FRMD4A: variants seen among roughly 807,000 people sequenced by gnomAD.
The protein encoded by FRMD4A is FERM domain containing 4A.
In FRMD4A, 29 loss-of-function variants were observed where a neutral mutation model predicts 129.1. That is an observed-to-expected ratio of 0.22 (90% CI 0.17 to 0.31). FRMD4A has a LOEUF of 0.31. FRMD4A is among the 10% of genes least tolerant of loss of function. The pLI is 1.00. For missense variants in FRMD4A, 1,272 were observed against 1,375.8 expected (o/e 0.92, Z 1.19); for synonymous variants, 634 against 571.6 (o/e 1.11, Z -1.56).
chr10:13,650,912 A>G (rs1217060523), intron 24 of FRMD4A, among the ~76,000 whole-genome samples: 3 of 151,480 alleles, frequency 2.0e-5, no homozygotes, highest in Admixed American at 6.5e-5. Context: ...TGACCCCCTC[A>G]TTTCTGAATC....
At chr10:13,769,997 C>A (rs755813167) in intron 6 of FRMD4A, among the ~76,000 whole-genome samples, 1 of 152,070 alleles carries the variant, frequency 6.6e-6, no homozygotes, top group Non-Finnish European at 1.5e-5. Context: ...ATCTTGTGAG[C>A]CAACTCCTCA....
intron 2 of FRMD4A, among the ~76,000 whole-genome samples, chr10:13,873,760 T>C (rs111808554): frequency 6.6e-6 from 1 of 151,126 alleles, no homozygotes; most frequent in African/African-American, 2.4e-5. Flanking sequence ...TTGGCCAGGC[T>C]GGTCTCCAAC....
At chr10:13,686,541 C>T (rs571592838) in intron 15 of FRMD4A, among the ~76,000 whole-genome samples, 1 of 152,330 alleles carries the variant, frequency 6.6e-6, no homozygotes, top group Non-Finnish European at 1.5e-5. Context: ...CAGGCAATGC[C>T]AGGCCCATGT....
At chr10:13,896,107 G>A (rs1346213741) in intron 2 of FRMD4A, among the ~76,000 whole-genome samples, 1 of 152,180 alleles carries the variant, frequency 6.6e-6, no homozygotes, top group Non-Finnish European at 1.5e-5. Context: ...GGAAGACAGT[G>A]TGGCAATTCC....
At chr10:14,181,710 A>C (rs1841920574) in intron 2 of FRMD4A, among the ~76,000 whole-genome samples, 1 of 152,098 alleles carries the variant, frequency 6.6e-6, no homozygotes, top group African/African-American at 2.4e-5. Context: ...TTTTTATTTG[A>C]GATAGGGTCT....
intron 2 of FRMD4A, among the ~76,000 whole-genome samples, chr10:14,078,995 T>G (rs924637827): frequency 6.6e-6 from 1 of 152,230 alleles, no homozygotes; most frequent in Non-Finnish European, 1.5e-5. Context: ...GAGCTTGAGA[T>G]AGTCAGAGGA....
rs565664138 is a variant in FRMD4A at position 13,823,051 on chromosome 10, A to G, written c.112-12143T>C. ...CACATAGTTTCTTCCATATTTTCCT[A>G]AGATGCAGTCTGGTCCCTGTGTTCT... is the stretch of plus-strand genomic sequence containing the variant. On this transcript the variant is annotated intron_variant, in intron 3 of 24. Coordinates refer to ENST00000357447, the MANE Select transcript of FRMD4A (RefSeq NM_018027.5). Among the ~76,000 whole-genome samples the G allele has an allele frequency of 9.0e-4, 137 of 152,180 alleles. 1 individual carries two copies. The highest frequency in any genetic ancestry group is 1.6e-3 in the Non-Finnish European group (108 of 68,012).
At chr10:14,092,845 C>A (rs917597074) in intron 2 of FRMD4A, among the ~76,000 whole-genome samples, 1 of 152,176 alleles carries the variant, frequency 6.6e-6, no homozygotes, top group Non-Finnish European at 1.5e-5. Context: ...CAAGATAGGA[C>A]TAGATGAGGT....
intron 2 of FRMD4A, among the ~76,000 whole-genome samples, chr10:14,107,828 C>T (rs897483674): frequency 5.3e-5 from 8 of 152,172 alleles, no homozygotes; most frequent in African/African-American, 1.9e-4. Context: ...TGGACCACAA[C>T]TTATTTACTC....
chr10:14,312,443 T>C (rs184146180), intron 2 of FRMD4A, among the ~76,000 whole-genome samples: 2 of 152,330 alleles, frequency 1.3e-5, no homozygotes, highest in East Asian at 3.8e-4. Context: ...AATTTTATAA[T>C]ATCTACAAAA....
intron 2 of FRMD4A, among the ~76,000 whole-genome samples, chr10:13,931,855 A>T (rs552296382): frequency 2.0e-5 from 3 of 151,744 alleles, no homozygotes; most frequent in African/African-American, 7.2e-5. Context: ...AGGCTGAGGC[A>T]GGAGAATCGC....
intron 22 of FRMD4A, chr10:13,655,494 A>G (rs2082062380): frequency 6.6e-6 from 1 of 152,236 alleles, no homozygotes; most frequent in Admixed American, 6.5e-5. Flanking sequence ...AAGTCCACGG[A>G]ACACCCACCA....
chr10:13,942,487 G>T (rs1195493664), intron 2 of FRMD4A, among the ~76,000 whole-genome samples: 1 of 152,144 alleles, frequency 6.6e-6, no homozygotes, highest in Non-Finnish European at 1.5e-5. Context: ...CCAGACTCTT[G>T]TCATTAGAAC....
At chr10:14,008,498 T>C (rs2095670400) in intron 2 of FRMD4A, 1 of 990,676 alleles carries the variant, frequency 1.0e-6, no homozygotes. Flanking sequence ...GGGAGAGTGA[T>C]CCAGAAATGT....
chr10:14,190,491 T>C (rs1426496234), intron 2 of FRMD4A, among the ~76,000 whole-genome samples: 2 of 152,076 alleles, frequency 1.3e-5, no homozygotes, highest in Non-Finnish European at 2.9e-5. Flanking sequence ...GCCTCCCGAG[T>C]AGCTGAGACC....
At chr10:13,859,860 A>G (rs1489158096) in intron 2 of FRMD4A, among the ~76,000 whole-genome samples, 2 of 152,186 alleles carry the variant, frequency 1.3e-5, no homozygotes, top group East Asian at 3.8e-4. Flanking sequence ...TCTGAGTGGT[A>G]TAACAGGAAG....
intron 3 of FRMD4A, among the ~76,000 whole-genome samples, chr10:13,825,193 C>A (rs571986134): frequency 5.3e-4 from 80 of 152,316 alleles, no homozygotes; most frequent in Middle Eastern, 3.4e-3. Flanking sequence ...CAGATGCCAG[C>A]ATCACTACAC....
chr10:14,039,460 ATCTATCTATCTATCTATCTATCT>A (rs1833686700), intron 2 of FRMD4A, among the ~76,000 whole-genome samples: 29 of 69,674 alleles, frequency 4.2e-4, no homozygotes, highest in African/African-American at 1.4e-3. Flanking sequence ...CAATCAATCT[ATCTATCTATCTATCTATCTATCT>A]ATCTATCTAT....
At chr10:13,654,948 G>C (rs937412166) in intron 22 of FRMD4A, 1 of 172,822 alleles carries the variant, frequency 5.8e-6, no homozygotes, top group African/African-American at 2.4e-5. Context: ...GTGTGGCCCT[G>C]TTATGAAATT....
Sources: allele counts gnomAD v4.1 joint callset (sites outside exome capture counted in the v4.1 genomes callset), GRCh38; gene constraint gnomAD v4.1.1; transcripts MANE v1.5; gene names NCBI Gene and HGNC (gene_info 2026-07-23, HGNC 2026-07-21).